LAMB1: variants seen among roughly 807,000 people sequenced by gnomAD.
The protein encoded by LAMB1 is laminin subunit beta-1.
A neutral mutation model predicts 222.3 loss-of-function variants in LAMB1; 121 were observed. That is an observed-to-expected ratio of 0.54 (90% CI 0.47 to 0.63). The LOEUF is 0.63. LAMB1 is among the 30% of genes least tolerant of loss of function. The pLI, the probability that LAMB1 is intolerant of heterozygous loss-of-function variation, is 0.00. For missense variants in LAMB1, 2,172 were observed against 2,240.8 expected (o/e 0.97, Z 0.62); for synonymous variants, 794 against 807.2 (o/e 0.98, Z 0.28).
intron 13 of LAMB1, among the ~76,000 whole-genome samples, chr7:107,971,791 A>G (rs1309504649): frequency 1.3e-5 from 2 of 152,236 alleles, no homozygotes; most frequent in East Asian, 1.9e-4. Flanking sequence ...TGTATGGAAT[A>G]GAGAAAAAGA....
intron 13 of LAMB1, among the ~76,000 whole-genome samples, chr7:107,970,152 T>C (rs1446998741): frequency 6.6e-6 from 1 of 151,982 alleles, no homozygotes; most frequent in African/African-American, 2.4e-5. Flanking sequence ...GCAGAAGCAA[T>C]GCATCAAGGG....
chr7:107,965,606 C>T (rs1283667679), intron 13 of LAMB1, among the ~76,000 whole-genome samples: 1 of 152,058 alleles, frequency 6.6e-6, no homozygotes, highest in Non-Finnish European at 1.5e-5. Flanking sequence ...TTATTAGTAT[C>T]ATAATTTTGT....
intron 24 of LAMB1, among the ~76,000 whole-genome samples, chr7:107,949,728 A>G (rs2033201158): frequency 6.6e-6 from 1 of 152,206 alleles, no homozygotes; most frequent in South Asian, 2.1e-4. Context: ...CTAAGCCTCA[A>G]CTTAAAAAAC....
intron 20 of LAMB1, 122 bp downstream of exon 20, chr7:107,959,123 TAGTG>T (rs2033438325): frequency 2.7e-6 from 2 of 749,986 alleles, no homozygotes; most frequent in East Asian, 4.9e-5. Flanking sequence ...TCCTAGAAAA[TAGTG>T]AGGTGGTCAG....
chr7:107,981,609 G>T (rs1476011044), intron 7 of LAMB1, among the ~76,000 whole-genome samples: 1 of 152,134 alleles, frequency 6.6e-6, no homozygotes, highest in Non-Finnish European at 1.5e-5. Context: ...GTGTGAAAGT[G>T]GAGAAATTAT....
Position 107,951,206 on chromosome 7 carries a change from C to T in LAMB1, c.3391+20G>A, listed in dbSNP as rs768633988. The T allele has an allele frequency of 6.9e-6, 11 of 1,596,396 alleles. No individual in the cohort carries two copies. The highest frequency in any genetic ancestry group is 2.2e-5 in the East Asian group (1 of 44,786). On this transcript the variant is annotated intron_variant, in intron 24 of 33. Transcript: ENST00000222399. ...CCTCCACTCTCTGATCAAGTCAATG[C>T]GAGAACGCCCACAACTCACCTCGGC... is the stretch of plus-strand genomic sequence containing the variant.
intron 13 of LAMB1, among the ~76,000 whole-genome samples, chr7:107,969,895 T>A (rs1055052526): frequency 1.3e-5 from 2 of 152,262 alleles, no homozygotes; most frequent in African/African-American, 2.4e-5. Flanking sequence ...AATGTTATTA[T>A]GCAGTACATG....
intron 4 of LAMB1, among the ~76,000 whole-genome samples, chr7:107,997,511 G>A (rs748658539): frequency 3.9e-5 from 6 of 152,086 alleles, no homozygotes; most frequent in Admixed American, 6.5e-5. Context: ...TGGCTGCAGC[G>A]GCATCCAAAG....
At position 107,994,866 on chromosome 7, in the gene LAMB1, A is replaced by G. The variant is rs925149674; in HGVS notation, c.423+21T>C. ...ACAGTGCTCTCATGTGTCATTTGTG[A>G]GAAAGTCATGGATTTCTTACCTTGA... On this transcript the variant is annotated intron_variant, in intron 5 of 33. Transcript: ENST00000222399. 11 of 1,440,912 alleles carry G rather than the reference A, an allele frequency of 7.6e-6. No individual in the cohort carries two copies. In the African/African-American group the frequency reaches 1.3e-4, roughly 16 times the overall value. 89.3% of individuals were successfully genotyped at this position (1,440,912 alleles called of 1,614,324 possible).
intron 24 of LAMB1, among the ~76,000 whole-genome samples, chr7:107,949,660 A>G (rs1166304944): frequency 1.3e-5 from 2 of 152,210 alleles, no homozygotes; most frequent in Non-Finnish European, 2.9e-5. Context: ...GACATAGCAA[A>G]CATTATCCCC....
chr7:107,950,166 G>A, intron 24 of LAMB1, among the ~76,000 whole-genome samples: 1 of 152,016 alleles, frequency 6.6e-6, no homozygotes, highest in East Asian at 1.9e-4. Flanking sequence ...GGAGGTGGAG[G>A]TTGCAGTAAG....
chr7:107,960,878 G>A (rs577660378), intron 17 of LAMB1, among the ~76,000 whole-genome samples: 1 of 152,226 alleles, frequency 6.6e-6, no homozygotes, highest in East Asian at 1.9e-4. Context: ...TTTTATTTTA[G>A]AGATGGGGTC....
intron 13 of LAMB1, among the ~76,000 whole-genome samples, chr7:107,970,805 C>T (rs1406347781): frequency 6.6e-6 from 1 of 151,150 alleles, no homozygotes; most frequent in Non-Finnish European, 1.5e-5. Flanking sequence ...GATCTTGGTT[C>T]ACTGCAACCT....
chr7:107,925,690 T>C (rs1481432411), intron 32 of LAMB1, among the ~76,000 whole-genome samples: 1 of 152,174 alleles, frequency 6.6e-6, no homozygotes, highest in East Asian at 1.9e-4. Flanking sequence ...CAAAATATAG[T>C]GCCTTCGAAT....
chr7:107,959,540 C>A, intron 19 of LAMB1, 60 bp from the exon 20 acceptor site: 1 of 1,607,090 alleles, frequency 6.2e-7, no homozygotes, highest in South Asian at 1.1e-5. Context: ...AAACATGCTC[C>A]TTTTATAAGC....
chr7:107,951,800 G>C (rs926905328), intron 23 of LAMB1, among the ~76,000 whole-genome samples: 1 of 152,182 alleles, frequency 6.6e-6, no homozygotes, highest in African/African-American at 2.4e-5. Flanking sequence ...CTGCAGCTGG[G>C]ACCCTCTACT....
intron 32 of LAMB1, among the ~76,000 whole-genome samples, chr7:107,924,876 G>A (rs1223459973): frequency 6.6e-6 from 1 of 152,144 alleles, no homozygotes; most frequent in African/African-American, 2.4e-5. Context: ...AGTGAGTGAG[G>A]AGAAGAGAAA....
At chr7:107,997,948 A>C (rs1374412658) in intron 4 of LAMB1, among the ~76,000 whole-genome samples, 2 of 152,204 alleles carry the variant, frequency 1.3e-5, no homozygotes, top group East Asian at 1.9e-4. Context: ...TAGATGAAGG[A>C]AGGCAGTGGG....
intron 31 of LAMB1, among the ~76,000 whole-genome samples, chr7:107,927,958 GCTGGGTATGGGAGCA>G (rs2032603622): frequency 1.3e-5 from 2 of 152,312 alleles, no homozygotes; most frequent in South Asian, 4.1e-4. Flanking sequence ...GGCTGACAAT[GCTGGGTATGGGAGCA>G]TTTAATTTCA....
Sources: allele counts gnomAD v4.1 joint callset (sites outside exome capture counted in the v4.1 genomes callset), GRCh38; gene constraint gnomAD v4.1.1; transcripts MANE v1.5; gene names NCBI Gene and HGNC (gene_info 2026-07-23, HGNC 2026-07-21).